Variants in MRPS5 observed in about 807,000 individuals in gnomAD.
MRPS5 encodes small ribosomal subunit protein uS5m.
MRPS5 carries 27 observed loss-of-function variants against 51.9 expected under a neutral mutation model. The ratio of observed to expected loss-of-function variants is 0.52; its 90% CI spans 0.38 to 0.72. MRPS5 has a LOEUF of 0.72. Ranked by LOEUF, MRPS5 falls within the 30% of genes least tolerant of loss-of-function variation. The pLI, the probability that MRPS5 is intolerant of heterozygous loss-of-function variation, is 0.00. For missense variants in MRPS5, 570 were observed against 545.7 expected (o/e 1.04, Z -0.44); for synonymous variants, 196 against 193.2 (o/e 1.01, Z -0.12).
In MRPS5 at chr2:95,110,459, T is replaced by C. The variant is rs148180008; in HGVS notation, c.278-418A>G. On this transcript the variant is annotated intron_variant, in intron 3 of 11. Coordinates refer to ENST00000272418, the MANE Select transcript of MRPS5 (RefSeq NM_031902.5). ...ATAAGTTTTCTAGTCCAAACAAGAA[T>C]CAACATTTCAATCTGAACCCACAAA... Among the ~76,000 whole-genome samples the C allele has an allele frequency of 2.5e-3, 377 of 152,286 alleles. 1 individual carries two copies. The highest frequency in any genetic ancestry group is 4.0e-3 in the Non-Finnish European group (273 of 68,030).
chr2:95,094,709 T>C (rs769038295), intron 10 of MRPS5, among the ~76,000 whole-genome samples: 2 of 152,106 alleles, frequency 1.3e-5, no homozygotes, highest in Non-Finnish European at 2.9e-5. Context: ...CAGGCCTGCC[T>C]TACAAGAACT....
intron 5 of MRPS5, chr2:95,106,766 C>A: frequency 2.3e-6 from 1 of 431,142 alleles, no homozygotes; most frequent in Non-Finnish European, 4.3e-6. Flanking sequence ...CACGGCCTCT[C>A]CCCCTAGGCC....
Position 95,100,495 on chromosome 2 carries a change from T to C in MRPS5, c.910A>G (p.Lys304Glu). 6.2e-7 allele frequency: 1 copy of C among 1,607,854 alleles called. No individual in the cohort carries two copies. The highest frequency in any genetic ancestry group is 8.5e-7 in the Non-Finnish European group (1 of 1,174,626). The change falls in exon 10 of 12, where the codon AAG (lysine) becomes GAG (glutamate). Residue 304 changes from lysine to glutamate, a missense_variant. By Grantham distance (56) the Lys-to-Glu change is moderately conservative. Transcript: ENST00000272418. The part of the protein sequence containing the change: ...ISLRFKRTHI[K>E]MKKQPKGYGL... ...TTACCTTTGGGTTGTTTCTTCATCTTGATATGCGTCCTTTTAAATCTTAAT... is the reference window on the plus strand; with the variant it reads ...TTACCTTTGGGTTGTTTCTTCATCTCGATATGCGTCCTTTTAAATCTTAAT...
rs186690326 is a variant in MRPS5, at chr2:95,098,702, G to C, written c.931+1772C>G. ...GGGCCTGTGGTGGGTTGGGGGCAGT[G>C]GGGGAGGGATAGCATTAGGAGATAT... On this transcript the variant is annotated intron_variant, in intron 10 of 11. Coordinates refer to ENST00000272418, the MANE Select transcript of MRPS5 (RefSeq NM_031902.5). 7.9e-5 allele frequency among the ~76,000 whole-genome samples: 12 copies of C among 152,156 alleles called. No individual in the cohort carries two copies. The East Asian group carries it at 1.7e-3, about 22-fold the overall frequency.
At chr2:95,107,238 C>A (rs1317046576) in intron 5 of MRPS5, among the ~76,000 whole-genome samples, 2 of 152,226 alleles carry the variant, frequency 1.3e-5, no homozygotes, top group East Asian at 3.8e-4. Flanking sequence ...GTTTCAGATA[C>A]TCTACCTTTT....
chr2:95,119,383 G>C (rs1676376740), intron 1 of MRPS5, among the ~76,000 whole-genome samples: 1 of 152,174 alleles, frequency 6.6e-6, no homozygotes, highest in Non-Finnish European at 1.5e-5. Flanking sequence ...ACTAAGGCGG[G>C]AGGACTGCTT....
chr2:95,088,255 T>C (rs1193372655), intron 11 of MRPS5, among the ~76,000 whole-genome samples: 1 of 152,212 alleles, frequency 6.6e-6, no homozygotes, highest in African/African-American at 2.4e-5. Context: ...GGGTATTTTT[T>C]AAAATCCTCA....
At chr2:95,096,165 A>T (rs1351459372) in intron 10 of MRPS5, among the ~76,000 whole-genome samples, 1 of 152,234 alleles carries the variant, frequency 6.6e-6, no homozygotes, top group Non-Finnish European at 1.5e-5. Context: ...TAGACCAACA[A>T]CAGGCTCTGA....
rs779673430 is a variant in MRPS5, at chr2:95,104,577, T to C, written c.763+63A>G. 8 of 1,551,378 alleles carry C rather than the reference T, an allele frequency of 5.2e-6. No homozygotes were observed. The African/African-American group carries it at 5.4e-5, about 11-fold the overall frequency. On this transcript the variant is annotated intron_variant, in intron 7 of 11. Coordinates refer to ENST00000272418, the MANE Select transcript of MRPS5 (RefSeq NM_031902.5). ...GCATGAGCCCATGGGCTCCACAGCATGGCCCGTGCCACGCCTTTCCCTGCA... is the reference window on the plus strand; with the variant it reads ...GCATGAGCCCATGGGCTCCACAGCACGGCCCGTGCCACGCCTTTCCCTGCA...
chr2:95,098,225 C>A (rs1675685352), intron 10 of MRPS5, among the ~76,000 whole-genome samples: 1 of 152,192 alleles, frequency 6.6e-6, no homozygotes, highest in South Asian at 2.1e-4. Context: ...AACAGGAAGG[C>A]TTTTACACTG....
intron 1 of MRPS5, among the ~76,000 whole-genome samples, chr2:95,120,998 A>G (rs866735135): frequency 2.0e-5 from 3 of 152,142 alleles, no homozygotes; most frequent in African/African-American, 7.2e-5. Flanking sequence ...GACGCCTGTA[A>G]TCCCAGCTAC....
chr2:95,104,745 G>A lies in MRPS5; in HGVS notation c.673-15C>T. On this transcript the variant is annotated splice_polypyrimidine_tract_variant and intron_variant, in intron 6 of 11. Coordinates refer to ENST00000272418, the MANE Select transcript of MRPS5 (RefSeq NM_031902.5). ...ACGTTTCTTACCTAAAAGGCAAAATGTCTCATAAATATTGCACATTAAGAA... is the reference window on the plus strand; with the variant it reads ...ACGTTTCTTACCTAAAAGGCAAAATATCTCATAAATATTGCACATTAAGAA... 1.9e-6 allele frequency: 3 copies of A among 1,611,334 alleles called. No homozygotes were observed. Among genetic ancestry groups the A allele is most frequent in the Non-Finnish European group, 2.5e-6 (3 of 1,177,690 alleles).
intron 3 of MRPS5, among the ~76,000 whole-genome samples, chr2:95,112,938 G>A (rs747219116): frequency 1.5e-4 from 23 of 151,720 alleles, no homozygotes; most frequent in Non-Finnish European, 2.5e-4. Context: ...CCAGGAGGTG[G>A]AGCTTGCAGT....
intron 9 of MRPS5, 113 bp downstream of exon 9, chr2:95,100,724 G>T (rs772854812): frequency 2.6e-5 from 24 of 923,478 alleles, no homozygotes; most frequent in Non-Finnish European, 3.4e-5. Flanking sequence ...TCATATATTT[G>T]TAAGAATGTA....
chr2:95,101,975 AAGACTCT>A, intron 7 of MRPS5: 1 of 414,810 alleles, frequency 2.4e-6, no homozygotes, highest in South Asian at 3.4e-5. Context: ...ACAACACAGC[AAGACTCT>A]GTCTCTATTA....
At chr2:95,116,194 G>A (rs950240279) in intron 2 of MRPS5, among the ~76,000 whole-genome samples, 1 of 151,682 alleles carries the variant, frequency 6.6e-6, no homozygotes, top group African/African-American at 2.4e-5. Context: ...ATGAGCCATC[G>A]CGCCTGGCCA....
rs369618658 is a variant in MRPS5 at position 95,108,196 on chromosome 2, G to T, written c.616C>A (p.Pro206Thr). Residue 206 changes from proline to threonine, a missense_variant, in exon 5 of 12, where the codon CCT (proline) becomes ACT (threonine). Physicochemically the swap from Pro to Thr is conservative, Grantham distance 38. Transcript: ENST00000272418. The stretch of plus-strand genomic sequence containing the variant: ...CTACCTCCACAGGGACCAGGGTCAG[G>T]GGGGCCAAGACTGATGCCTCCCCAT... ...NSWGGISLGPPDPGPCGETYE... is the reference protein window; with the variant it reads ...NSWGGISLGPTDPGPCGETYE... The T allele has an allele frequency of 3.1e-6, 5 of 1,614,106 alleles. No homozygotes were observed. In the African/African-American group the frequency reaches 4.0e-5, roughly 13 times the overall value.
chr2:95,121,801 C>T lies in MRPS5; in HGVS notation c.-10G>A. The T allele has an allele frequency of 6.5e-7, 1 of 1,538,954 alleles. No individual in the cohort carries two copies. The highest frequency in any genetic ancestry group is 8.7e-7 in the Non-Finnish European group (1 of 1,151,072). ...GCACCGCGGTCGCCATGCTGGAGTC[C>T]GAGCCGCGCCTCGGCCTCCGCCCAG... On this transcript the variant is annotated 5_prime_UTR_variant, in exon 1 of 12. Transcript: ENST00000272418.
rs925587377 is a variant in MRPS5 at position 95,121,800 on chromosome 2, C to A, written c.-9G>T. ...CGCACCGCGGTCGCCATGCTGGAGT[C>A]CGAGCCGCGCCTCGGCCTCCGCCCA... On this transcript the variant is annotated 5_prime_UTR_variant, in exon 1 of 12. Transcript: ENST00000272418. 1.9e-6 allele frequency: 3 copies of A among 1,539,150 alleles called. No homozygotes were observed. Among genetic ancestry groups the A allele is most frequent in the African/African-American group, 2.8e-5 (2 of 71,294 alleles).
Sources: gnomAD v4.1 joint callset for allele counts (sites outside exome capture counted in the v4.1 genomes callset) on GRCh38, gnomAD v4.1.1 for gene constraint, MANE v1.5 for transcripts, NCBI Gene and HGNC (gene_info 2026-07-23, HGNC 2026-07-21) for gene names.